Variants in TRO observed in about 807,000 individuals in gnomAD.
TRO encodes trophinin, also known as MAGE superfamily protein.
TRO carries 29 observed loss-of-function variants against 42.3 expected under a neutral mutation model. The observed-to-expected ratio is 0.68, with a 90% CI of 0.51 to 0.93. TRO has a LOEUF of 0.93. Among genes scored for constraint, TRO ranks in the 40% least tolerant of loss-of-function variants. The probability of loss-of-function intolerance (pLI) is 0.00; values close to 1 mark genes in which losing one functional copy is unlikely to be tolerated. For missense variants in TRO, 963 were observed against 1,127.7 expected (o/e 0.85, Z 2.09); for synonymous variants, 384 against 425.2 (o/e 0.90, Z 1.19).
In TRO at chrX:54,929,843, G is replaced by A. The variant is rs368921208; in HGVS notation, c.3119G>A (p.Gly1040Asp). 3 of 1,209,095 alleles carry A rather than the reference G, an allele frequency of 2.5e-6. No individual in the cohort carries two copies. The African/African-American group carries it at 5.3e-5, about 21-fold the overall frequency. Residue 1040 changes from glycine to aspartate, a missense_variant, in exon 12 of 13, where the codon GGT (glycine) becomes GAT (aspartate). Gly to Asp is a moderately conservative substitution (Grantham distance 94, BLOSUM62 -1). Around this residue, in one of 2 missense-constraint regions of TRO, gnomAD observed 641 missense variants for 811.3 expected, o/e 0.79. Coordinates refer to ENST00000173898, the MANE Select transcript of TRO (RefSeq NM_001039705.3). ...GGAVSTNTDFGGTLSTSVCFG... is the reference protein window; with the variant it reads ...GGAVSTNTDFDGTLSTSVCFG... ...GCTGTCAGCACCAACACTGACTTTG[G>A]TGGTACACTAAGCACCAGCGTCTGT...
chrX:54,923,828 A>G, intron 3 of TRO, 60 bp downstream of exon 3: 4 of 1,067,999 alleles, frequency 3.7e-6, no homozygotes, highest in Non-Finnish European at 5.0e-6. Context: ...CTACCCTTCT[A>G]GTTTGTTCAT....
rs775428853 is a variant in TRO, at chrX:54,931,339, T to C, written c.*147T>C. The C allele has an allele frequency of 8.3e-7, 1 of 1,207,545 alleles. No homozygotes were observed. Among genetic ancestry groups the C allele is most frequent in the East Asian group, 3.0e-5 (1 of 33,765 alleles). ...CCAATCAGCTGAGGGTGTCATGTGA[T>C]GGAAAAATCTGTTTGCTGTTCCTGC... On this transcript the variant is annotated 3_prime_UTR_variant, in exon 13 of 13. Coordinates refer to ENST00000173898, the MANE Select transcript of TRO (RefSeq NM_001039705.3).
In TRO at chrX:54,926,956, G is replaced by C. The variant is rs1238490090; in HGVS notation, c.1701-87G>C. ...TTCATTGAGACTGCCCCATGTGCTA[G>C]AGAGGTCTCTTCCATGTTGGGAAAT... On this transcript the variant is annotated intron_variant, in intron 9 of 12. Coordinates refer to ENST00000173898, the MANE Select transcript of TRO (RefSeq NM_001039705.3). The C allele has an allele frequency of 6.7e-6, 7 of 1,052,607 alleles. 1 individual carries two copies. The highest frequency in any genetic ancestry group is 9.2e-6 in the Non-Finnish European group (7 of 762,103). 86.7% of individuals were successfully genotyped at this position (1,052,607 alleles called of 1,213,427 possible). A position where few individuals can be genotyped will look rare whatever the true frequency, so the allele number is the denominator to read the frequency against.
In TRO at chrX:54,930,839, G is replaced by A; in HGVS notation, c.4115G>A (p.Ser1372Asn). 2.5e-6 allele frequency: 3 copies of A among 1,211,357 alleles called. No homozygotes were observed. Among genetic ancestry groups the A allele is most frequent in the Non-Finnish European group, 3.4e-6 (3 of 895,195 alleles). Residue 1372 changes from serine to asparagine, a missense_variant, in exon 12 of 13, where the codon AGC (serine) becomes AAC (asparagine). Ser to Asn is a conservative substitution (Grantham distance 46). This residue lies in a region of TRO where 641 missense variants were observed against 811.3 expected (regional missense o/e 0.79). Coordinates refer to ENST00000173898, the MANE Select transcript of TRO (RefSeq NM_001039705.3). ...SSIVGFSGGP[S>N]TGVGFCSGPS... ...ATTGTTGGCTTCAGCGGTGGACCAA[G>A]CACTGGTGTTGGCTTCTGCAGTGGA...
Position 54,928,516 on chromosome X carries a change from TA to T in TRO, c.1879-86del, listed in dbSNP as rs1932849987. The T allele has an allele frequency of 5.7e-6, 6 of 1,051,224 alleles. No individual in the cohort carries two copies. The Admixed American group carries it at 2.0e-4, about 35-fold the overall frequency. 86.6% of individuals were successfully genotyped at this position (1,051,224 alleles called of 1,213,427 possible). A position where few individuals can be genotyped will look rare whatever the true frequency, so the allele number is the denominator to read the frequency against. On this transcript the variant is annotated intron_variant, in intron 11 of 12. Transcript: ENST00000173898. ...CCAATAACTGAGAAGTTTAAAAAAG[TA>T]TTGCTACTAGTTTAATACAAAGCCC...
chrX:54,928,532 A>C, intron 11 of TRO, 71 bp from the exon 12 acceptor site: 1 of 1,102,676 alleles, frequency 9.1e-7, no homozygotes, highest in South Asian at 2.4e-5. Flanking sequence ...TACTAGTTTA[A>C]TACAAAGCCC....
chrX:54,924,216 CTCTTA>C (rs1932480147), intron 3 of TRO, among the ~76,000 whole-genome samples: 1 of 112,089 alleles, frequency 8.9e-6, no homozygotes, highest in Admixed American at 9.5e-5. Context: ...GACCCTTAGG[CTCTTA>C]TCTTGAGTTG....
chrX:54,927,065 G>C lies in TRO; in HGVS notation c.1723G>C (p.Glu575Gln), dbSNP rs1387519181. 5.0e-6 allele frequency: 6 copies of C among 1,209,980 alleles called. No homozygotes were observed. The highest frequency in any genetic ancestry group is 5.6e-6 in the Non-Finnish European group (5 of 895,293). Residue 575 changes from glutamate to glutamine, a missense_variant, in exon 10 of 13, where the codon GAA becomes CAA. By Grantham distance (29) the Glu-to-Gln change is conservative. This residue lies in a region of TRO where 641 missense variants were observed against 811.3 expected (regional missense o/e 0.79). Transcript: ENST00000173898. ...CAGGGTGAGGCATTCACTCTTTGGGGAAGTGAGGAAGCTCATCACAGACGA... is the reference window on the plus strand; with the variant it reads ...CAGGGTGAGGCATTCACTCTTTGGGCAAGTGAGGAAGCTCATCACAGACGA... ...RPGVRHSLFGEVRKLITDEFV... is the reference protein window; with the variant it reads ...RPGVRHSLFGQVRKLITDEFV...
Position 54,922,879 on chromosome X carries a change from G to A in TRO, c.347G>A (p.Ser116Asn), listed in dbSNP as rs1383625468. 2 of 1,211,518 alleles carry A rather than the reference G, an allele frequency of 1.7e-6. No individual in the cohort carries two copies. Among genetic ancestry groups the A allele is most frequent in the Admixed American group, 4.3e-5 (2 of 46,024 alleles). ...ALNLPVITQI[S>N]QALPTTEVTN... is the part of the protein sequence containing the mutation. ...AACCTGCCAGTCATTACCCAGATCA[G>A]CCAGGCTTTACCTACCACTGAGGTA... The change falls in exon 3 of 13, where the codon AGC becomes AAC. Residue 116 changes from serine to asparagine, a missense_variant. Around this residue, in one of 2 missense-constraint regions of TRO, gnomAD observed 322 missense variants for 316.5 expected, o/e 1.02. Transcript: ENST00000173898.
In TRO at chrX:54,929,388, C is replaced by T; in HGVS notation, c.2664C>T (p.Gly888=). The T allele has an allele frequency of 8.2e-7, 1 of 1,212,286 alleles. No homozygotes were observed. Among genetic ancestry groups the T allele is most frequent in the Non-Finnish European group, 1.1e-6 (1 of 895,595 alleles). Residue 888 remains glycine (G), a synonymous_variant, in exon 12 of 13, where the codon GGC becomes GGT. Transcript: ENST00000173898. The part of the protein sequence containing the change: ...VFSSALSTST[G]FGGILSTSVC... The stretch of plus-strand genomic sequence containing the variant: ...GTAGTGCGCTTAGCACCAGCACTGG[C>T]TTTGGAGGCATACTCAGCACCAGTG...
Position 54,923,584 on chromosome X carries a change from G to C in TRO, c.1052G>C (p.Arg351Pro). The C allele has an allele frequency of 2.5e-6, 3 of 1,201,839 alleles. No homozygotes were observed. Among genetic ancestry groups the C allele is most frequent in the Non-Finnish European group, 3.4e-6 (3 of 889,896 alleles). Residue 351 changes from arginine to proline, a missense_variant, in exon 3 of 13, where the codon CGG becomes CCG. By Grantham distance (103) the Arg-to-Pro change is moderately radical. This residue lies in a region of TRO where 322 missense variants were observed against 316.5 expected (regional missense o/e 1.02). Coordinates refer to ENST00000173898, the MANE Select transcript of TRO (RefSeq NM_001039705.3). Reference sequence around the variant, plus strand: ...GCTCGGAAGGCTGCCACTAAGGCTCGGGCAACTGAAAGCCAGACTCCAAAT... The same window carrying C: ...GCTCGGAAGGCTGCCACTAAGGCTCCGGCAACTGAAAGCCAGACTCCAAAT... ...SRARKAATKARATESQTPNAD... is the reference protein window; with the variant it reads ...SRARKAATKAPATESQTPNAD...
intron 2 of TRO, 111 bp downstream of exon 2, chrX:54,922,402 C>G: frequency 1.0e-6 from 1 of 989,219 alleles, no homozygotes; most frequent in Non-Finnish European, 1.4e-6. Context: ...TAACTCGTCT[C>G]AGTCCTCCCT....
In TRO at chrX:54,923,229, AC is replaced by A. The variant is rs1488743937; in HGVS notation, c.699del (p.Thr234ProfsTer35). Reference sequence around the variant, plus strand: ...GGCTGCAACTGCCACCCATACAGCTACCACCCAAGGCCAAATTACCAATGAG... The same window carrying A: ...GGCTGCAACTGCCACCCATACAGCTACACCCAAGGCCAAATTACCAATGAG... Reference protein sequence around the residue: ...SLAATATHTATTQGQITNETA... With the variant: ...SLAATATHTAXTQGQITNETA... On this transcript the variant is annotated frameshift_variant, in exon 3 of 13. Coordinates refer to ENST00000173898, the MANE Select transcript of TRO (RefSeq NM_001039705.3). LOFTEE classifies it high-confidence loss of function. 8.3e-7 allele frequency: 1 copy of A among 1,209,866 alleles called. No homozygotes were observed. The highest frequency in any genetic ancestry group is 3.0e-5 in the East Asian group (1 of 33,784).
In TRO at chrX:54,925,510, TG is replaced by T. The variant is rs941819589; in HGVS notation, c.1486-79del. On this transcript the variant is annotated intron_variant, in intron 6 of 12. Coordinates refer to ENST00000173898, the MANE Select transcript of TRO (RefSeq NM_001039705.3). ...ACACATGCAGACCCCCTAAGTACACTGGGAGTTTTAGGATGCCCGGAAAGTT... is the reference window on the plus strand; with the variant it reads ...ACACATGCAGACCCCCTAAGTACACTGGAGTTTTAGGATGCCCGGAAAGTT... 4 of 812,825 alleles carry T rather than the reference TG, an allele frequency of 4.9e-6. No homozygotes were observed. The African/African-American group carries it at 8.1e-5, about 17-fold the overall frequency. The allele number at this position is 812,825 out of a possible 1,213,427, so 67.0% of individuals were successfully genotyped here.
At chrX:54,923,915 A>G (rs1478843849) in intron 3 of TRO, 147 bp downstream of exon 3, 20 of 622,202 alleles carry the variant, frequency 3.2e-5, no homozygotes, top group Admixed American at 2.8e-4. Flanking sequence ...AGAAGGTGAT[A>G]TAGTTTCTGC....
Position 54,923,676 on chromosome X carries a change from G to A in TRO, c.1144G>A (p.Val382Ile). ...QTNVSALETQ[V>I]AAAVQALADD... is the part of the protein sequence containing the mutation. ...CAACGTAAGTGCCCTTGAGACTCAG[G>A]TTGCTGCTGCTGTCCAGGCCCTGGC... The change falls in exon 3 of 13, where the codon GTT (valine) becomes ATT (isoleucine). Residue 382 changes from valine to isoleucine, a missense_variant. By Grantham distance (29) the Val-to-Ile change is conservative. Coordinates refer to ENST00000173898, the MANE Select transcript of TRO (RefSeq NM_001039705.3). 1 of 1,211,526 alleles carries A rather than the reference G, an allele frequency of 8.3e-7. No homozygotes were observed. The highest frequency in any genetic ancestry group is 1.1e-6 in the Non-Finnish European group (1 of 895,285).
chrX:54,929,681 G>C lies in TRO; in HGVS notation c.2957G>C (p.Ser986Thr). Residue 986 changes from serine to threonine, a missense_variant, in exon 12 of 13, where the codon AGT becomes ACT. Physicochemically the swap from Ser to Thr is moderately conservative, Grantham distance 58. Transcript: ENST00000173898. ...AGCTTTGGCAGTGTGCTCAACACCA[G>C]TACTGGTTTTGGTGGTGCTATGAGC... ...SASFGSVLNT[S>T]TGFGGAMSTS... is the part of the protein sequence containing the mutation. 8.3e-7 allele frequency: 1 copy of C among 1,211,329 alleles called. No homozygotes were observed. The highest frequency in any genetic ancestry group is 1.1e-6 in the Non-Finnish European group (1 of 895,387).
Position 54,928,665 on chromosome X carries a change from C to T in TRO, c.1941C>T (p.Val647=), listed in dbSNP as rs752079799. ...ACCGCGAGGCAGTGGAGATGGAAGT[C>T]CAAGCTGCAGCTGTGGCTGTGGCTG... is the stretch of plus-strand genomic sequence containing the variant. ...VQYREAVEME[V]QAAAVAVAEA... Residue 647 remains valine (V), a synonymous_variant, in exon 12 of 13, where the codon GTC becomes GTT. Transcript: ENST00000173898. 2.5e-6 allele frequency: 3 copies of T among 1,199,721 alleles called. No homozygotes were observed. Among genetic ancestry groups the T allele is most frequent in the Admixed American group, 4.5e-5 (2 of 44,738 alleles).
chrX:54,925,117 G>C, intron 6 of TRO, 49 bp downstream of exon 6: 1 of 1,098,375 alleles, frequency 9.1e-7, no homozygotes, highest in Non-Finnish European at 1.2e-6. Flanking sequence ...GCTTTGAATC[G>C]AGCAAAGACA....
Sources: gnomAD v4.1 joint callset for allele counts (sites outside exome capture counted in the v4.1 genomes callset) on GRCh38, gnomAD v4.1.1 for gene constraint, gnomAD v4.1.1 regional missense constraint, MANE v1.5 for transcripts, NCBI Gene and HGNC (gene_info 2026-07-23, HGNC 2026-07-21) for gene names.